Variants in VPS13B observed in about 807,000 individuals in gnomAD.
VPS13B encodes intermembrane lipid transfer protein VPS13B.
VPS13B carries 285 observed loss-of-function variants against 426.4 expected under a neutral mutation model. The ratio of observed to expected loss-of-function variants is 0.67; its 90% CI spans 0.61 to 0.74. The LOEUF (loss-of-function observed/expected upper bound fraction) is 0.74. Among genes scored for constraint, VPS13B ranks in the 30% least tolerant of loss-of-function variants. The pLI is 0.00. For missense variants in VPS13B, 4,537 were observed against 4,782.6 expected, an observed-to-expected ratio of 0.95 and a Z score of 1.51; for synonymous variants, 1,676 against 1,676.4, an observed-to-expected ratio of 1.00 and a Z score of 0.01.
chr8:99,392,445 G>T (rs1213769455), intron 21 of VPS13B, among the ~76,000 whole-genome samples: 1 of 151,500 alleles, frequency 6.6e-6, no homozygotes, highest in African/African-American at 2.4e-5. Context: ...TTTTCTTTGG[G>T]TAATTTTATG....
At chr8:99,705,697 T>G (rs2510202) in intron 36 of VPS13B, among the ~76,000 whole-genome samples, 40,183 of 152,024 alleles carry the variant, frequency 0.26, 5,888 homozygotes, top group East Asian at 0.45. Context: ...CTGTGATAAA[T>G]AGCTTGTGCA....
At chr8:99,821,184 G>A (rs1478241921) in intron 49 of VPS13B, 110 bp from the exon 50 acceptor site, 2 of 734,204 alleles carry the variant, frequency 2.7e-6, no homozygotes, top group Non-Finnish European at 2.0e-6. Context: ...GGGATATTTG[G>A]TTACCTTAGT....
chr8:99,361,263 G>A (rs1812541700), intron 19 of VPS13B, among the ~76,000 whole-genome samples: 1 of 152,208 alleles, frequency 6.6e-6, no homozygotes, highest in African/African-American at 2.4e-5. Flanking sequence ...ACTGATAGGT[G>A]TTCAGTGCCT....
chr8:99,453,331 C>T (rs187961698), intron 23 of VPS13B, among the ~76,000 whole-genome samples: 3 of 152,152 alleles, frequency 2.0e-5, no homozygotes, highest in South Asian at 2.1e-4. Flanking sequence ...ATCCTCAAAC[C>T]GTGTATGCAA....
At chr8:99,063,626 C>T (rs1188091601) in intron 3 of VPS13B, among the ~76,000 whole-genome samples, 1 of 152,216 alleles carries the variant, frequency 6.6e-6, no homozygotes, top group Non-Finnish European at 1.5e-5. Context: ...CTCATAGACT[C>T]CACCTCTGGG....
chr8:99,247,502 T>G (rs1273227858), intron 17 of VPS13B, among the ~76,000 whole-genome samples: 1 of 152,220 alleles, frequency 6.6e-6, no homozygotes, highest in Non-Finnish European at 1.5e-5. Context: ...TAGTTTTTTC[T>G]ACTTCCTGAT....
chr8:99,454,852 T>C (rs1388971254), intron 23 of VPS13B, among the ~76,000 whole-genome samples: 1 of 152,162 alleles, frequency 6.6e-6, no homozygotes, highest in African/African-American at 2.4e-5. Context: ...CTAAATGCTG[T>C]TTAAATTTAG....
chr8:99,062,393 A>G (rs144634970), intron 3 of VPS13B, among the ~76,000 whole-genome samples: 3 of 152,346 alleles, frequency 2.0e-5, no homozygotes, highest in Admixed American at 2.0e-4. Context: ...ATAAATTATC[A>G]TTATTCTTTT....
chr8:99,823,755 A>T, intron 50 of VPS13B, 77 bp from the exon 51 acceptor site: 1 of 1,477,176 alleles, frequency 6.8e-7, no homozygotes, highest in East Asian at 2.3e-5. Flanking sequence ...AGATAAAATA[A>T]CCTTTTAGGA....
chr8:99,221,288 A>C (rs546777609), intron 17 of VPS13B, among the ~76,000 whole-genome samples: 40 of 150,826 alleles, frequency 2.7e-4, no homozygotes, highest in South Asian at 1.7e-3. Flanking sequence ...ATTTATACTC[A>C]TTTGGGTATA....
At chr8:99,416,263 C>A (rs961526197) in intron 21 of VPS13B, among the ~76,000 whole-genome samples, 1 of 151,938 alleles carries the variant, frequency 6.6e-6, no homozygotes, top group Non-Finnish European at 1.5e-5. Flanking sequence ...GATGCCCCCG[C>A]CCCCCCACCA....
chr8:99,263,302 G>T (rs1818144347), intron 17 of VPS13B, among the ~76,000 whole-genome samples: 1 of 152,102 alleles, frequency 6.6e-6, no homozygotes, highest in South Asian at 2.1e-4. Flanking sequence ...ATCATTCTCT[G>T]TGTTAGGCAG....
chr8:99,147,161 G>A (rs1810779256), intron 13 of VPS13B, among the ~76,000 whole-genome samples: 1 of 152,064 alleles, frequency 6.6e-6, no homozygotes, highest in African/African-American at 2.4e-5. Context: ...GCCCAGGCTG[G>A]AGTACAGTGG....
At chr8:99,150,592 C>A (rs1352816333) in intron 14 of VPS13B, among the ~76,000 whole-genome samples, 3 of 152,210 alleles carry the variant, frequency 2.0e-5, no homozygotes. Context: ...ACTGTCCTCA[C>A]AGTTTTGCCT....
At chr8:99,582,861 T>A (rs1328551377) in intron 33 of VPS13B, among the ~76,000 whole-genome samples, 1 of 152,200 alleles carries the variant, frequency 6.6e-6, no homozygotes, top group Non-Finnish European at 1.5e-5. Context: ...TTCACCGTGT[T>A]AGCCAGGATG....
rs575411726 is a variant in VPS13B at position 99,203,862 on chromosome 8, G to A, written c.2515+10805G>A. Among the ~76,000 whole-genome samples, 4 of 152,146 alleles carry A rather than the reference G, an allele frequency of 2.6e-5. No homozygotes were observed. In the East Asian group the frequency reaches 5.8e-4, roughly 22 times the overall value. ...CCACTGCTCAGGGAAATAAGAGAGG[G>A]CACATACAAATGGAAAAACATTCCA... On this transcript the variant is annotated intron_variant, in intron 17 of 61. Transcript: ENST00000357162.
chr8:99,227,240 C>G (rs2132846103), intron 17 of VPS13B, among the ~76,000 whole-genome samples: 1 of 152,292 alleles, frequency 6.6e-6, no homozygotes, highest in East Asian at 1.9e-4. Flanking sequence ...GTACAAGGCA[C>G]TGGGAACACA....
At chr8:99,313,780 G>T (rs1158074567) in intron 19 of VPS13B, among the ~76,000 whole-genome samples, 1 of 152,292 alleles carries the variant, frequency 6.6e-6, no homozygotes, top group African/African-American at 2.4e-5. Context: ...AGTCTACAGA[G>T]TCACGCAGGC....
intron 50 of VPS13B, among the ~76,000 whole-genome samples, chr8:99,823,004 C>T (rs1013357445): frequency 6.6e-6 from 1 of 152,136 alleles, no homozygotes; most frequent in Non-Finnish European, 1.5e-5. Context: ...CCAGACCACC[C>T]TTTGAAAACC....
Sources: gnomAD v4.1 joint callset for allele counts (sites outside exome capture counted in the v4.1 genomes callset) on GRCh38, gnomAD v4.1.1 for gene constraint, MANE v1.5 for transcripts, NCBI Gene and HGNC (gene_info 2026-07-23, HGNC 2026-07-21) for gene names.